Variants in NDST3 observed in about 807,000 individuals in gnomAD.
The protein encoded by NDST3 is N-deacetylase and N-sulfotransferase 3, also known as bifunctional heparan sulfate N-deacetylase/N-sulfotransferase 3.
In NDST3, 58 loss-of-function variants were observed where a neutral mutation model predicts 96.1. The observed-to-expected ratio is 0.60, with a 90% CI of 0.49 to 0.75. The LOEUF (loss-of-function observed/expected upper bound fraction) is 0.75. NDST3 is among the 30% of genes least tolerant of loss of function. The pLI is 0.00. For synonymous variants in NDST3, 333 were observed against 359.7 expected (o/e 0.93, Z 0.84); for missense variants, 788 against 1,034.2 (o/e 0.76, Z 3.27).
At chr4:118,229,419 TA>T (rs1213252658) in intron 8 of NDST3, among the ~76,000 whole-genome samples, 3 of 152,236 alleles carry the variant, frequency 2.0e-5, no homozygotes, top group African/African-American at 7.2e-5. Flanking sequence ...GATGGTTATT[TA>T]AATGTGTGTC....
chr4:118,084,331 T>C (rs1728252432), intron 2 of NDST3, among the ~76,000 whole-genome samples: 2 of 152,232 alleles, frequency 1.3e-5, no homozygotes, highest in Non-Finnish European at 1.5e-5. Context: ...ATTTTGTTTA[T>C]CTTAATTATA....
chr4:118,109,640 G>T (rs967390073), intron 3 of NDST3, among the ~76,000 whole-genome samples: 2 of 152,146 alleles, frequency 1.3e-5, no homozygotes, highest in African/African-American at 4.8e-5. Context: ...CTTAGCCAGG[G>T]TTGTCTAAGA....
chr4:118,043,612 C>T (rs1435792207), intron 1 of NDST3, among the ~76,000 whole-genome samples: 1 of 152,224 alleles, frequency 6.6e-6, no homozygotes, highest in Non-Finnish European at 1.5e-5. Flanking sequence ...AAGTGAAGGG[C>T]TCAGGTGAAG....
At chr4:118,148,227 G>T (rs995505190) in intron 6 of NDST3, among the ~76,000 whole-genome samples, 2 of 152,188 alleles carry the variant, frequency 1.3e-5, no homozygotes, top group African/African-American at 4.8e-5. Flanking sequence ...GAATCCAGGA[G>T]GCAGAGGTTG....
intron 6 of NDST3, among the ~76,000 whole-genome samples, chr4:118,195,046 A>T (rs1219885753): frequency 6.6e-6 from 1 of 152,142 alleles, no homozygotes; most frequent in Non-Finnish European, 1.5e-5. Context: ...GAAGAATGTC[A>T]TTGGTATTTT....
intron 6 of NDST3, among the ~76,000 whole-genome samples, chr4:118,216,138 T>C (rs925940180): frequency 3.3e-5 from 5 of 152,154 alleles, no homozygotes; most frequent in African/African-American, 1.2e-4. Flanking sequence ...AGTCTCATAT[T>C]TGCAGAGCAT....
At chr4:118,168,662 T>TA (rs1431711199) in intron 6 of NDST3, among the ~76,000 whole-genome samples, 1 of 152,168 alleles carries the variant, frequency 6.6e-6, no homozygotes, top group Non-Finnish European at 1.5e-5. Context: ...CTTGAAGAGA[T>TA]ACATGCACTC....
At chr4:118,093,058 G>C (rs905300821) in intron 2 of NDST3, among the ~76,000 whole-genome samples, 2 of 151,620 alleles carry the variant, frequency 1.3e-5, no homozygotes, top group Non-Finnish European at 3.0e-5. Flanking sequence ...CCCAGAAACA[G>C]GAATAATCTT....
At chr4:118,040,481 C>T (rs974878404) in intron 1 of NDST3, among the ~76,000 whole-genome samples, 1 of 152,106 alleles carries the variant, frequency 6.6e-6, no homozygotes, top group Non-Finnish European at 1.5e-5. Context: ...TAGATCTCTG[C>T]ACTAAGGGTG....
chr4:118,216,537 C>T (rs1739203823), intron 6 of NDST3, among the ~76,000 whole-genome samples: 1 of 151,878 alleles, frequency 6.6e-6, no homozygotes, highest in Non-Finnish European at 1.5e-5. Context: ...AATTAAAGTA[C>T]TGAGAGTTTA....
rs554141584 is a variant in NDST3, at chr4:118,162,136, G to A, written c.1539+18452G>A. ...AAATGGAAGAACATTCCATGCTCATGGGTAGGAAGAATCAATATCATGAAA... is the reference window on the plus strand; with the variant it reads ...AAATGGAAGAACATTCCATGCTCATAGGTAGGAAGAATCAATATCATGAAA... On this transcript the variant is annotated intron_variant, in intron 6 of 13. Coordinates refer to ENST00000296499, the MANE Select transcript of NDST3 (RefSeq NM_004784.3). Among the ~76,000 whole-genome samples, 248 of 152,242 alleles carry A rather than the reference G, an allele frequency of 1.6e-3. 1 individual carries two copies. The highest frequency in any genetic ancestry group is 2.7e-3 in the Non-Finnish European group (187 of 68,008).
chr4:118,090,321 G>C (rs1464516417), intron 2 of NDST3, among the ~76,000 whole-genome samples: 1 of 151,912 alleles, frequency 6.6e-6, no homozygotes, highest in Non-Finnish European at 1.5e-5. Context: ...TTTAAAATTT[G>C]GTTCTGCTTT....
rs113588540 is a variant in NDST3, at chr4:118,077,479, G to A, written c.981+22588G>A. On this transcript the variant is annotated intron_variant, in intron 2 of 13. Transcript: ENST00000296499. The stretch of plus-strand genomic sequence containing the variant: ...TTGTGCTCTGTGGTAGCAGGGGAGA[G>A]AGATGACACCCTCACCTAATCTGCT... Among the ~76,000 whole-genome samples the A allele has an allele frequency of 5.4e-4, 83 of 152,330 alleles. 2 individuals carry two copies. Among genetic ancestry groups the A allele is most frequent in the African/African-American group, 1.7e-3 (70 of 41,582 alleles).
chr4:118,151,156 A>G (rs1560681002), intron 6 of NDST3, among the ~76,000 whole-genome samples: 1 of 152,190 alleles, frequency 6.6e-6, no homozygotes, highest in Non-Finnish European at 1.5e-5. Context: ...CAAACACCGC[A>G]TATTCTCACT....
intron 2 of NDST3, among the ~76,000 whole-genome samples, chr4:118,077,651 G>T (rs1429623120): frequency 6.6e-6 from 1 of 152,154 alleles, no homozygotes; most frequent in Admixed American, 6.5e-5. Context: ...TCGGAGGGAG[G>T]TACACCCCAT....
chr4:118,166,187 A>T (rs1476236848), intron 6 of NDST3, among the ~76,000 whole-genome samples: 2 of 151,792 alleles, frequency 1.3e-5, no homozygotes, highest in African/African-American at 4.8e-5. Context: ...AAGGAAGAAG[A>T]CTCAAATAAA....
intron 12 of NDST3, among the ~76,000 whole-genome samples, chr4:118,246,332 G>A (rs1486338324): frequency 6.6e-6 from 1 of 152,162 alleles, no homozygotes. Context: ...TAGGCTGGGT[G>A]GGGTGTCTCA....
intron 1 of NDST3, among the ~76,000 whole-genome samples, chr4:118,052,763 C>G (rs1725152487): frequency 6.6e-6 from 1 of 151,728 alleles, no homozygotes; most frequent in African/African-American, 2.4e-5. Flanking sequence ...TGCTGTGATA[C>G]CAGAGGAAGT....
intron 12 of NDST3, among the ~76,000 whole-genome samples, chr4:118,247,420 C>T (rs561032478): frequency 3.3e-5 from 5 of 151,938 alleles, no homozygotes; most frequent in Non-Finnish European, 7.4e-5. Context: ...GGCGTGGTGG[C>T]GCAGGCTTTT....
Sources: gnomAD v4.1 joint callset for allele counts (sites outside exome capture counted in the v4.1 genomes callset) on GRCh38, gnomAD v4.1.1 for gene constraint, MANE v1.5 for transcripts, NCBI Gene and HGNC (gene_info 2026-07-23, HGNC 2026-07-21) for gene names.